Variants in DMD observed in about 807,000 individuals in gnomAD.
DMD encodes the protein dystrophin, also known as mutant dystrophin.
Under a neutral mutation model 330.1 loss-of-function variants are expected in DMD, and 63 were observed. The ratio of observed to expected loss-of-function variants is 0.19; its 90% CI spans 0.16 to 0.24. DMD has a LOEUF of 0.24. Among genes scored for constraint, DMD ranks in the 10% least tolerant of loss-of-function variants. DMD has a pLI of 1.00. For missense variants in DMD, 3,344 were observed against 2,684.1 expected, an observed-to-expected ratio of 1.25 and a Z score of -5.43; for synonymous variants, 1,223 against 959.8, an observed-to-expected ratio of 1.27 and a Z score of -5.07.
intron 7 of DMD, among the ~76,000 whole-genome samples, chrX:32,704,400 G>C (rs761657708): frequency 4.1e-4 from 42 of 103,607 alleles, no homozygotes; most frequent in African/African-American, 1.6e-3. Context: ...CAACCTCAGG[G>C]AAGTCCGATT....
intron 51 of DMD, among the ~76,000 whole-genome samples, chrX:31,761,516 T>C (rs765281357): frequency 3.5e-4 from 39 of 112,366 alleles, no homozygotes; most frequent in Middle Eastern, 4.6e-3. Context: ...TTATCATTGC[T>C]AGAACTGGTA....
chrX:32,121,292 C>G (rs1336286814), intron 44 of DMD, among the ~76,000 whole-genome samples: 1 of 110,018 alleles, frequency 9.1e-6, no homozygotes, highest in African/African-American at 3.3e-5. Context: ...GGGCAGACCT[C>G]AATATTCACA....
intron 35 of DMD, 115 bp downstream of exon 35, chrX:32,364,905 A>T: frequency 1.2e-6 from 1 of 834,666 alleles, no homozygotes; most frequent in East Asian, 3.3e-5. Flanking sequence ...TTGAATTAAG[A>T]GCCAGCATAT....
chrX:32,829,308 G>A (rs2148887507), intron 4 of DMD, among the ~76,000 whole-genome samples: 1 of 111,419 alleles, frequency 9.0e-6, no homozygotes, highest in East Asian at 2.8e-4. Context: ...CCTACTAAAT[G>A]TTTTCTGAAG....
chrX:31,642,645 A>AT (rs773623848), intron 54 of DMD, among the ~76,000 whole-genome samples: 24 of 106,564 alleles, frequency 2.3e-4, no homozygotes, highest in East Asian at 1.2e-3. Context: ...CATAGTTATC[A>AT]TTTTTTTTTT....
intron 9 of DMD, among the ~76,000 whole-genome samples, chrX:32,656,677 G>A (rs12387979): frequency 0.078 from 8,730 of 111,423 alleles, 835 homozygotes; most frequent in African/African-American, 0.27. Context: ...TTGCTTCATC[G>A]TTTTTCAAGT....
At chrX:32,891,302 G>C (rs2085177277) in intron 2 of DMD, among the ~76,000 whole-genome samples, 1 of 111,693 alleles carries the variant, frequency 9.0e-6, no homozygotes, top group Admixed American at 9.5e-5. Flanking sequence ...CTCATATACA[G>C]AGGGCAGGTG....
chrX:31,973,061 G>A (rs2095411178), intron 44 of DMD, among the ~76,000 whole-genome samples: 2 of 111,084 alleles, frequency 1.8e-5, no homozygotes, highest in African/African-American at 6.5e-5. Context: ...AACTTCTATC[G>A]GATGATGGAT....
At chrX:32,167,143 T>C (rs2096871268) in intron 44 of DMD, among the ~76,000 whole-genome samples, 1 of 111,951 alleles carries the variant, frequency 8.9e-6, no homozygotes, top group African/African-American at 3.2e-5. Flanking sequence ...ACCAAACCTG[T>C]ACCTAACAGA....
intron 51 of DMD, among the ~76,000 whole-genome samples, chrX:31,773,154 T>A (rs1448007739): frequency 8.9e-6 from 1 of 112,500 alleles, no homozygotes; most frequent in Non-Finnish European, 1.9e-5. Context: ...AACTTTGTAT[T>A]TCTTTAGAAA....
At chrX:33,201,882 T>C (rs1454616360) in intron 1 of DMD, among the ~76,000 whole-genome samples, 1 of 112,419 alleles carries the variant, frequency 8.9e-6, no homozygotes, top group Non-Finnish European at 1.9e-5. Flanking sequence ...TAAGGATGGC[T>C]AACTGTAGAT....
At chrX:32,262,814 T>A (rs1195171851) in intron 43 of DMD, among the ~76,000 whole-genome samples, 1 of 111,883 alleles carries the variant, frequency 8.9e-6, no homozygotes, top group Non-Finnish European at 1.9e-5. Flanking sequence ...GAGGCTCACA[T>A]CTAATGACTA....
Position 32,686,501 on chromosome X carries a change from T to C in DMD, c.960+11369A>G, listed in dbSNP as rs147486321. ...TTGAACCCAGGAGGCAGAGGTTGCA[T>C]TGAGCCAAGATCGTGCCAGTGCACT... is the stretch of plus-strand genomic sequence containing the variant. On this transcript the variant is annotated intron_variant, in intron 9 of 78. Coordinates refer to ENST00000357033, the MANE Select transcript of DMD (RefSeq NM_004006.3). 8.3e-3 allele frequency among the ~76,000 whole-genome samples: 833 copies of C among 100,273 alleles called. 7 individuals are homozygous for C. The highest frequency in any genetic ancestry group is 0.03 in the African/African-American group (769 of 25,931). 87.1% of individuals were successfully genotyped at this position (100,273 alleles called of 115,157 possible). A position where few individuals can be genotyped will look rare whatever the true frequency, so the allele number is the denominator to read the frequency against.
At chrX:33,109,953 A>T (rs755816700) in intron 1 of DMD, among the ~76,000 whole-genome samples, 8 of 100,090 alleles carry the variant, frequency 8.0e-5, no homozygotes, top group East Asian at 6.0e-4. Context: ...ACAATGGTTT[A>T]AAAAAAAAAA....
At chrX:32,539,168 A>C (rs867205610) in intron 17 of DMD, among the ~76,000 whole-genome samples, 1 of 67,692 alleles carries the variant, frequency 1.5e-5, no homozygotes, top group African/African-American at 5.7e-5. Flanking sequence ...CAAGATTTCT[A>C]TTTCTTTTTT....
intron 64 of DMD, among the ~76,000 whole-genome samples, chrX:31,214,937 C>CTTTTTTCTTTTTTTTTTTTTTTTTT (rs1556299261): frequency 2.9e-4 from 11 of 38,103 alleles, no homozygotes; most frequent in East Asian, 1.0e-3. Context: ...TTTCTTTTTT[C>CTTTTTTCTTTTTTTTTTTTTTTTTT]TTTTTTTTTT....
At chrX:31,868,342 AG>A (rs1245647895) in intron 48 of DMD, among the ~76,000 whole-genome samples, 1 of 112,384 alleles carries the variant, frequency 8.9e-6, no homozygotes, top group Non-Finnish European at 1.9e-5. Flanking sequence ...ATGAGAATTT[AG>A]AGTATGCTTT....
intron 1 of DMD, among the ~76,000 whole-genome samples, chrX:33,079,631 T>A (rs752411734): frequency 9.0e-6 from 1 of 111,628 alleles, no homozygotes; most frequent in South Asian, 3.8e-4. Context: ...AATGTCATTT[T>A]TGGACTTTAG....
At chrX:33,272,480 A>G (rs2053173068) in intron 1 of DMD, among the ~76,000 whole-genome samples, 1 of 112,049 alleles carries the variant, frequency 8.9e-6, no homozygotes, top group Non-Finnish European at 1.9e-5. Flanking sequence ...TAAAGCAGAT[A>G]GAATCGTGAA....
Sources: gnomAD v4.1 joint callset for allele counts (sites outside exome capture counted in the v4.1 genomes callset) on GRCh38, gnomAD v4.1.1 for gene constraint, MANE v1.5 for transcripts, NCBI Gene and HGNC (gene_info 2026-07-23, HGNC 2026-07-21) for gene names.